LMTK2: variants seen among roughly 807,000 people sequenced by gnomAD.
The protein encoded by LMTK2 is serine/threonine-protein kinase LMTK2.
A neutral mutation model predicts 127.5 loss-of-function variants in LMTK2; 37 were observed. The observed-to-expected ratio is 0.29, with a 90% CI of 0.22 to 0.38. LMTK2 has a LOEUF of 0.38. LMTK2 is among the 10% of genes least tolerant of loss of function. The probability of loss-of-function intolerance (pLI) is 1.00; values close to 1 mark genes in which losing one functional copy is unlikely to be tolerated. For missense variants in LMTK2, 1,694 were observed against 1,920.3 expected, an observed-to-expected ratio of 0.88 and a Z score of 2.20; for synonymous variants, 819 against 810.1, an observed-to-expected ratio of 1.01 and a Z score of -0.19.
Position 98,192,280 on chromosome 7 carries a change from C to T in LMTK2, c.1815C>T (p.Asp605=). 1 of 1,532,888 alleles carries T rather than the reference C, an allele frequency of 6.5e-7. No homozygotes were observed. The highest frequency in any genetic ancestry group is 8.7e-7 in the Non-Finnish European group (1 of 1,145,764). 95.0% of individuals were successfully genotyped at this position (1,532,888 alleles called of 1,614,324 possible). The change falls in exon 11 of 14, where the codon GAC becomes GAT. Residue 605 remains aspartate, a synonymous_variant. Transcript: ENST00000297293. ...VELEESSTDE[D]FFQSSTDPKD... is the part of the protein sequence containing the mutation. ...TTGAGGAGTCCAGTACAGATGAGGACTTCTTCCAAAGCAGTACAGACCCCA... is the reference window on the plus strand; with the variant it reads ...TTGAGGAGTCCAGTACAGATGAGGATTTCTTCCAAAGCAGTACAGACCCCA...
intron 7 of LMTK2, among the ~76,000 whole-genome samples, chr7:98,175,523 G>A (rs187484541): frequency 6.6e-6 from 1 of 152,234 alleles, no homozygotes; most frequent in Non-Finnish European, 1.5e-5. Context: ...GTGTGTGCAC[G>A]TGCGTGCATG....
chr7:98,178,734 A>T (rs1322802595), intron 7 of LMTK2, among the ~76,000 whole-genome samples: 1 of 152,170 alleles, frequency 6.6e-6, no homozygotes, highest in African/African-American at 2.4e-5. Context: ...ATTTTTACCA[A>T]CTTTGGCCCA....
At chr7:98,129,453 C>T (rs937432672) in intron 1 of LMTK2, among the ~76,000 whole-genome samples, 13 of 152,118 alleles carry the variant, frequency 8.5e-5, no homozygotes, top group Non-Finnish European at 1.3e-4. Context: ...TCGTAGCTTA[C>T]TTCAGCCTTG....
chr7:98,137,811 C>T (rs1395461498), intron 2 of LMTK2, among the ~76,000 whole-genome samples: 4 of 152,148 alleles, frequency 2.6e-5, no homozygotes, highest in Non-Finnish European at 5.9e-5. Context: ...AGGAGTGAAG[C>T]GTGGTGATTG....
In LMTK2 at chr7:98,140,159, T is replaced by TTCG. The variant is rs1796668040; in HGVS notation, c.232-1237_232-1236insCGT. Among the ~76,000 whole-genome samples, 21 of 5,788 alleles carry TTCG rather than the reference T, an allele frequency of 3.6e-3. 7 individuals are homozygous for TTCG. The highest frequency in any genetic ancestry group is 0.024 in the Admixed American group (9 of 376). 3.8% of individuals were successfully genotyped at this position (5,788 alleles called of 152,430 possible). On this transcript the variant is annotated intron_variant, in intron 2 of 13. Transcript: ENST00000297293. ...CTTTCTTTCTTTTCTTTTCTTTTCT[T>TTCG]TTCTTTTCTTTTCTTTCTTTTCTTT...
intron 6 of LMTK2, among the ~76,000 whole-genome samples, chr7:98,168,782 G>T (rs939930339): frequency 6.6e-6 from 1 of 152,142 alleles, no homozygotes; most frequent in African/African-American, 2.4e-5. Context: ...GGAGAGCTTG[G>T]TGTAGCGCTC....
At chr7:98,184,839 G>A (rs1300655639) in intron 7 of LMTK2, among the ~76,000 whole-genome samples, 1 of 152,188 alleles carries the variant, frequency 6.6e-6, no homozygotes, top group East Asian at 1.9e-4. Context: ...CTAGTTACTT[G>A]CCTAAAAGTG....
At position 98,193,781 on chromosome 7, in the gene LMTK2, T is replaced by C; in HGVS notation, c.3316T>C (p.Phe1106Leu). 6.2e-7 allele frequency: 1 copy of C among 1,613,932 alleles called. No individual in the cohort carries two copies. Among genetic ancestry groups the C allele is most frequent in the Non-Finnish European group, 8.5e-7 (1 of 1,180,006 alleles). Residue 1106 changes from phenylalanine (F) to leucine (L), a missense_variant, in exon 11 of 14, where the codon TTC (phenylalanine) becomes CTC (leucine). By Grantham distance (22) the Phe-to-Leu change is conservative (BLOSUM62 0). Transcript: ENST00000297293. This position sits in a 1 kb window ranked among gnomAD's most constrained non-coding sequence, Gnocchi z 4.1. ...GGGTTCATACCGAGACTCTGCGTAC[T>C]TCTCAGACAATGACTCTGAGCCCGA... The part of the protein sequence containing the change: ...SQGSYRDSAY[F>L]SDNDSEPEKR...
chr7:98,162,328 T>C (rs1287203448), intron 6 of LMTK2, among the ~76,000 whole-genome samples: 1 of 152,248 alleles, frequency 6.6e-6, no homozygotes, highest in Non-Finnish European at 1.5e-5. Context: ...GACATCTTTA[T>C]GAAAATATAA....
At chr7:98,148,607 A>G (rs1436122545) in intron 3 of LMTK2, among the ~76,000 whole-genome samples, 3 of 152,070 alleles carry the variant, frequency 2.0e-5, no homozygotes, top group African/African-American at 7.2e-5. Flanking sequence ...GTTCATTTTT[A>G]CCTGTGAATG....
chr7:98,205,876 C>T lies in LMTK2; in HGVS notation c.*384C>T, dbSNP rs576760122. On this transcript the variant is annotated 3_prime_UTR_variant, in exon 14 of 14. Coordinates refer to ENST00000297293, the MANE Select transcript of LMTK2 (RefSeq NM_014916.4). ...CTGCGTCCACGCCTGCACATCCCGG[C>T]GCACGTGTGGGCACCACAGAGGACA... 13 of 247,598 alleles carry T rather than the reference C, an allele frequency of 5.3e-5. No individual in the cohort carries two copies. In the South Asian group the frequency reaches 7.8e-4, roughly 15 times the overall value. 15.3% of individuals were successfully genotyped at this position (247,598 alleles called of 1,614,324 possible).
At position 98,190,818 on chromosome 7, in the gene LMTK2, T is replaced by C. The variant is rs775233998; in HGVS notation, c.1089T>C (p.Ile363=). The C allele has an allele frequency of 2.5e-5, 40 of 1,613,782 alleles. 1 individual carries two copies. In the South Asian group the frequency reaches 3.8e-4, roughly 16 times the overall value. The change falls in exon 10 of 14, where the codon ATT becomes ATC. Residue 363 remains isoleucine, a synonymous_variant. Transcript: ENST00000297293. The part of the protein sequence containing the change: ...LSNLDVLNQV[I]RERDTKLPKP... ...ACTTAGATGTCCTCAACCAAGTCAT[T>C]AGAGAGAGAGACACAAAACTCCCGA...
At chr7:98,165,734 T>G (rs887419281) in intron 6 of LMTK2, among the ~76,000 whole-genome samples, 2 of 152,130 alleles carry the variant, frequency 1.3e-5, no homozygotes, top group African/African-American at 4.8e-5. Context: ...ATAAGCCCCA[T>G]GCACCAGGGC....
At chr7:98,195,074 G>A (rs567771674) in intron 11 of LMTK2, among the ~76,000 whole-genome samples, 22 of 152,168 alleles carry the variant, frequency 1.4e-4, no homozygotes, top group African/African-American at 2.9e-4. Flanking sequence ...GTAGACACAC[G>A]GTCTTGCTAT....
intron 6 of LMTK2, among the ~76,000 whole-genome samples, chr7:98,165,364 G>A (rs1767351924): frequency 1.3e-5 from 2 of 152,244 alleles, no homozygotes. Context: ...GGGACTGGCT[G>A]AAGAATCAGA....
Position 98,171,502 on chromosome 7 carries a change from G to A in LMTK2, c.658-39G>A, listed in dbSNP as rs146216398. 589 of 1,613,762 alleles carry A rather than the reference G, an allele frequency of 3.6e-4. 4 individuals carry two copies. In the African/African-American group the frequency reaches 7.0e-3, roughly 19 times the overall value. On this transcript the variant is annotated intron_variant, in intron 6 of 13. Transcript: ENST00000297293. This position sits in a 1 kb window ranked among gnomAD's most constrained non-coding sequence, Gnocchi z 5.1. ...GTATTTAAGCGCTCACTTTATTCCTGTGGCTCGTTTGGAAACTCACACGGG... is the reference window on the plus strand; with the variant it reads ...GTATTTAAGCGCTCACTTTATTCCTATGGCTCGTTTGGAAACTCACACGGG...
rs565352670 is a variant in LMTK2, at chr7:98,171,721, A to G, written c.791+47A>G. The G allele has an allele frequency of 3.3e-6, 5 of 1,514,412 alleles. No individual in the cohort carries two copies. The South Asian group carries it at 6.6e-5, about 20-fold the overall frequency. The allele number at this position is 1,514,412 out of a possible 1,614,324, so 93.8% of individuals were successfully genotyped here. ...GCACGCCCCACACAGCACCGGCGGG[A>G]CAGTCCAGAGAGGCTGCCGAGTTTG... On this transcript the variant is annotated intron_variant, in intron 7 of 13. Transcript: ENST00000297293. This position sits in a 1 kb window ranked among gnomAD's most constrained non-coding sequence, Gnocchi z 5.1.
intron 7 of LMTK2, among the ~76,000 whole-genome samples, chr7:98,172,943 A>C (rs182511420): frequency 1.3e-5 from 2 of 152,154 alleles, no homozygotes; most frequent in Non-Finnish European, 2.9e-5. Context: ...TTTTCAGTAC[A>C]GATGGGGTTT....
chr7:98,207,688 G>A lies in LMTK2; in HGVS notation c.*2196G>A, dbSNP rs1452814890. ...TTCAATTGCAGGTTTAAGGAGTTCAGATTTAATGACCAAAGTCATACAGAT... is the reference window on the plus strand; with the variant it reads ...TTCAATTGCAGGTTTAAGGAGTTCAAATTTAATGACCAAAGTCATACAGAT... On this transcript the variant is annotated 3_prime_UTR_variant, in exon 14 of 14. Coordinates refer to ENST00000297293, the MANE Select transcript of LMTK2 (RefSeq NM_014916.4). The A allele has an allele frequency of 6.6e-6, 1 of 152,152 alleles. No homozygotes were observed. The highest frequency in any genetic ancestry group is 1.5e-5 in the Non-Finnish European group (1 of 68,036). 9.4% of individuals were successfully genotyped at this position (152,152 alleles called of 1,614,324 possible).
Sources: allele counts gnomAD v4.1 joint callset (sites outside exome capture counted in the v4.1 genomes callset), GRCh38; gene constraint gnomAD v4.1.1; non-coding constraint Gnocchi (gnomAD v3.1); transcripts MANE v1.5; gene names NCBI Gene and HGNC (gene_info 2026-07-23, HGNC 2026-07-21).